Variants in COG2 observed in about 807,000 individuals in gnomAD.
COG2 encodes conserved oligomeric Golgi complex subunit 2.
In COG2, 52 loss-of-function variants were observed where a neutral mutation model predicts 90.6. The observed-to-expected ratio is 0.57, with a 90% CI of 0.46 to 0.72. The LOEUF is 0.72. Ranked by LOEUF, COG2 falls within the 30% of genes least tolerant of loss-of-function variation. The pLI, the probability that COG2 is intolerant of heterozygous loss-of-function variation, is 0.00. For synonymous variants in COG2, 337 were observed against 320.4 expected (o/e 1.05, Z -0.55); for missense variants, 829 against 891.2 (o/e 0.93, Z 0.89).
Position 230,686,960 on chromosome 1 carries a change from A to C in COG2, c.1406A>C (p.Glu469Ala). 1 of 1,555,574 alleles carries C rather than the reference A, an allele frequency of 6.4e-7. No individual in the cohort carries two copies. The highest frequency in any genetic ancestry group is 8.7e-7 in the Non-Finnish European group (1 of 1,147,052). The change falls in exon 13 of 18, where the codon GAA becomes GCA. Residue 469 changes from glutamate (E) to alanine (A), a missense_variant. Glu to Ala is a moderately radical substitution (Grantham distance 107). Coordinates refer to ENST00000366669, the MANE Select transcript of COG2 (RefSeq NM_007357.3). ...NELSLRPISN[E>A]SPKEIKKPLV... ...CTTTCACTCAGGCCCATTTCTAATG[A>C]AAGTCCCAAGGAGATCAAGAAACCT...
In COG2 at chr1:230,648,511, T is replaced by C. The variant is rs538123508; in HGVS notation, c.72+5833T>C. ...AGCGATTTCCTAATGTGAAATACTT[T>C]TCTTGATGGTATGAGATCAGTACCA... On this transcript the variant is annotated intron_variant, in intron 1 of 17. Coordinates refer to ENST00000366669, the MANE Select transcript of COG2 (RefSeq NM_007357.3). 8.5e-5 allele frequency among the ~76,000 whole-genome samples: 13 copies of C among 152,362 alleles called. No homozygotes were observed. In the East Asian group the frequency reaches 2.5e-3, roughly 29 times the overall value.
At chr1:230,688,696 G>A (rs1662948391) in intron 15 of COG2, 134 bp downstream of exon 15, 1 of 1,010,988 alleles carries the variant, frequency 9.9e-7, no homozygotes, top group East Asian at 2.4e-5. Flanking sequence ...TTCTGAGAAT[G>A]GTATTGATGA....
chr1:230,660,886 CAA>C, intron 3 of COG2, 63 bp downstream of exon 3: 3 of 1,145,014 alleles, frequency 2.6e-6, no homozygotes, highest in Non-Finnish European at 3.6e-6. Flanking sequence ...TTTGCCCTTC[CAA>C]AAAAAAATTC....
chr1:230,686,476 A>AT (rs944276662), intron 12 of COG2, among the ~76,000 whole-genome samples: 1 of 151,782 alleles, frequency 6.6e-6, no homozygotes, highest in Non-Finnish European at 1.5e-5. Flanking sequence ...CTTCTCTTTG[A>AT]TTTTTTTCCC....
chr1:230,646,585 C>G (rs183697653), intron 1 of COG2, among the ~76,000 whole-genome samples: 3 of 152,064 alleles, frequency 2.0e-5, no homozygotes, highest in Non-Finnish European at 2.9e-5. Flanking sequence ...ATACTTCTGG[C>G]CCAAATACCT....
intron 9 of COG2, among the ~76,000 whole-genome samples, chr1:230,677,483 T>C (rs1431754698): frequency 6.6e-6 from 1 of 152,196 alleles, no homozygotes; most frequent in Non-Finnish European, 1.5e-5. Context: ...TTACAGTGCA[T>C]TGAATAACAG....
At position 230,679,035 on chromosome 1, in the gene COG2, T is replaced by G. The variant is rs1238224437; in HGVS notation, c.1149T>G (p.Pro383=). The change falls in exon 10 of 18, where the codon CCT becomes CCG. Residue 383 remains proline, a synonymous_variant. Coordinates refer to ENST00000366669, the MANE Select transcript of COG2 (RefSeq NM_007357.3). ...YHSFNKKWNL[P]VYFQIRFREI... ...GCTTCAATAAGAAGTGGAACTTGCC[T>G]GTTTATTTTCAAATAAGGTTGGTCA... The G allele has an allele frequency of 2.5e-6, 4 of 1,612,350 alleles. No homozygotes were observed. The East Asian group carries it at 8.9e-5, about 36-fold the overall frequency.
chr1:230,648,253 A>G (rs1373999463), intron 1 of COG2, among the ~76,000 whole-genome samples: 1 of 152,236 alleles, frequency 6.6e-6, no homozygotes, highest in African/African-American at 2.4e-5. Flanking sequence ...TGGCCTGTAG[A>G]TGAGATACAG....
At chr1:230,672,142 A>G (rs2102759984) in intron 8 of COG2, among the ~76,000 whole-genome samples, 1 of 152,166 alleles carries the variant, frequency 6.6e-6, no homozygotes, top group Middle Eastern at 3.4e-3. Flanking sequence ...TCTGCTGTCC[A>G]CAATAATAGA....
rs1008084622 is a variant in COG2, at chr1:230,659,753, C to G, written c.234+128C>G. On this transcript the variant is annotated intron_variant, in intron 2 of 17. Coordinates refer to ENST00000366669, the MANE Select transcript of COG2 (RefSeq NM_007357.3). ...GTCCTCACAGAAATTTGAAGAGATCCCTAATGTCATCAATAAAATAACCAA... is the reference window on the plus strand; with the variant it reads ...GTCCTCACAGAAATTTGAAGAGATCGCTAATGTCATCAATAAAATAACCAA... 5 of 861,242 alleles carry G rather than the reference C, an allele frequency of 5.8e-6. No individual in the cohort carries two copies. The African/African-American group carries it at 7.0e-5, about 12-fold the overall frequency. The allele number at this position is 861,242 out of a possible 1,614,324, so 53.4% of individuals were successfully genotyped here. A position where few individuals can be genotyped will look rare whatever the true frequency, so the allele number is the denominator to read the frequency against.
Position 230,693,474 on chromosome 1 carries a change from G to A in COG2, c.*81G>A, listed in dbSNP as rs1663091571. 53 of 840,836 alleles carry A rather than the reference G, an allele frequency of 6.3e-5. No homozygotes were observed. The South Asian group carries it at 7.7e-4, about 12-fold the overall frequency. The allele number at this position is 840,836 out of a possible 1,614,324, so 52.1% of individuals were successfully genotyped here. A position where few individuals can be genotyped will look rare whatever the true frequency, so the allele number is the denominator to read the frequency against. ...AGGCTGAAGGGGAGAAAGTGACTCT[G>A]TTCTCTTAGCAACCGTCTGTAGCAA... On this transcript the variant is annotated 3_prime_UTR_variant, in exon 18 of 18. Coordinates refer to ENST00000366669, the MANE Select transcript of COG2 (RefSeq NM_007357.3).
At chr1:230,667,541 G>C (rs1294903438) in intron 5 of COG2, among the ~76,000 whole-genome samples, 1 of 152,124 alleles carries the variant, frequency 6.6e-6, no homozygotes, top group Non-Finnish European at 1.5e-5. Context: ...GGTAAAACCA[G>C]GGCAATATTA....
intron 7 of COG2, chr1:230,669,802 C>A: frequency 3.0e-6 from 1 of 334,106 alleles, no homozygotes. Flanking sequence ...CATCCACGTG[C>A]TTTTAGGTCA....
rs1308443221 is a variant in COG2 at position 230,669,349 on chromosome 1, C to G, written c.595-7C>G. 2 of 1,589,270 alleles carry G rather than the reference C, an allele frequency of 1.3e-6. No homozygotes were observed. Among genetic ancestry groups the G allele is most frequent in the Admixed American group, 3.6e-5 (2 of 55,894 alleles). Reference sequence around the variant, plus strand: ...CTTTTTTTTTATTTACCCACCTTTTCTTGCAGCGTATAGCTGGCATTACAG... The same window carrying G: ...CTTTTTTTTTATTTACCCACCTTTTGTTGCAGCGTATAGCTGGCATTACAG... On this transcript the variant is annotated splice_region_variant and splice_polypyrimidine_tract_variant and intron_variant, in intron 6 of 17. Transcript: ENST00000366669.
At chr1:230,657,840 C>T (rs964532023) in intron 1 of COG2, among the ~76,000 whole-genome samples, 1 of 151,960 alleles carries the variant, frequency 6.6e-6, no homozygotes, top group African/African-American at 2.4e-5. Context: ...GATATCCTTT[C>T]TTCCGCTTGA....
chr1:230,665,069 C>T (rs930285472), intron 5 of COG2, among the ~76,000 whole-genome samples: 16 of 152,114 alleles, frequency 1.1e-4, no homozygotes, highest in Admixed American at 6.6e-4. Flanking sequence ...ATGACTGTTT[C>T]CTTTGTTATA....
rs779121132 is a variant in COG2 at position 230,688,099 on chromosome 1, C to T, written c.1607C>T (p.Pro536Leu). ...CCAGAACTCTTGGAAATAATCAAGC[C>T]AAAACTTGAAATGATTGGCTTTAAG... ...QLPELLEIIKPKLEMIGFKNF... is the reference protein window; with the variant it reads ...QLPELLEIIKLKLEMIGFKNF... The change falls in exon 14 of 18, where the codon CCA becomes CTA. Residue 536 changes from proline to leucine, a missense_variant. Physicochemically the swap from Pro to Leu is moderately conservative, Grantham distance 98 (BLOSUM62 -3). Coordinates refer to ENST00000366669, the MANE Select transcript of COG2 (RefSeq NM_007357.3). 1 of 1,600,108 alleles carries T rather than the reference C, an allele frequency of 6.2e-7. No individual in the cohort carries two copies. Among genetic ancestry groups the T allele is most frequent in the East Asian group, 2.2e-5 (1 of 44,456 alleles).
At chr1:230,691,175 G>A (rs199879000) in intron 16 of COG2, among the ~76,000 whole-genome samples, 5 of 147,602 alleles carry the variant, frequency 3.4e-5, no homozygotes, top group East Asian at 1.9e-4. Flanking sequence ...GTGTGTGTGT[G>A]TATATATATA....
At chr1:230,685,387 T>C in intron 12 of COG2, 151 bp downstream of exon 12, 1 of 732,554 alleles carries the variant, frequency 1.4e-6, no homozygotes, top group Admixed American at 3.1e-5. Flanking sequence ...TCCAGCTCTG[T>C]GTCTGTGTTT....
Sources: gnomAD v4.1 joint callset for allele counts (sites outside exome capture counted in the v4.1 genomes callset) on GRCh38, gnomAD v4.1.1 for gene constraint, MANE v1.5 for transcripts, NCBI Gene and HGNC (gene_info 2026-07-23, HGNC 2026-07-21) for gene names.